MSRA: variants seen among roughly 807,000 people sequenced by gnomAD.
MSRA encodes the protein methionine sulfoxide reductase A, also known as mitochondrial peptide methionine sulfoxide reductase.
In MSRA, 54 loss-of-function variants were observed where a neutral mutation model predicts 31.3. The ratio of observed to expected loss-of-function variants is 1.73; its 90% CI spans 1.39 to 2.17. The LOEUF (loss-of-function observed/expected upper bound fraction) is 2.17, where lower values mean the gene tolerates loss of function less well. MSRA is among the 30% of genes most tolerant of loss of function. MSRA has a pLI of 0.00. For missense variants in MSRA, 507 were observed against 300.9 expected (o/e 1.69, Z -5.07); for synonymous variants, 169 against 116.5 (o/e 1.45, Z -2.90).
chr8:10,185,905 T>TC (rs1446932964), intron 1 of MSRA, among the ~76,000 whole-genome samples: 2 of 151,990 alleles, frequency 1.3e-5, no homozygotes, highest in Admixed American at 6.6e-5. Context: ...ATTTTTTTTT[T>TC]CAGAGAAGGA....
chr8:10,332,748 C>T (rs892999082), intron 5 of MSRA, among the ~76,000 whole-genome samples: 1 of 152,222 alleles, frequency 6.6e-6, no homozygotes, highest in East Asian at 1.9e-4. Context: ...CTTTCTTGCA[C>T]TGTATTTAGA....
intron 3 of MSRA, among the ~76,000 whole-genome samples, chr8:10,247,742 C>A (rs1283885976): frequency 6.6e-6 from 1 of 152,132 alleles, no homozygotes; most frequent in Non-Finnish European, 1.5e-5. Context: ...CTTACCCATA[C>A]ACAGAAGGAG....
intron 2 of MSRA, among the ~76,000 whole-genome samples, chr8:10,213,507 G>C (rs888318592): frequency 1.4e-5 from 2 of 147,498 alleles, no homozygotes; most frequent in Middle Eastern, 3.4e-3. Flanking sequence ...CGCGACCTCG[G>C]CTCACTGCAA....
rs113813213 is a variant in MSRA, at chr8:10,172,925, G to A, written c.143-34908G>A. 3.3e-3 allele frequency among the ~76,000 whole-genome samples: 503 copies of A among 152,356 alleles called. 2 individuals are homozygous for A. The highest frequency in any genetic ancestry group is 0.012 in the African/African-American group (481 of 41,568). ...TGTGAGAAGGGGACAGATGGGACCA[G>A]TCATTCTCAGCATAACACCGAGTGG... is the stretch of plus-strand genomic sequence containing the variant. On this transcript the variant is annotated intron_variant, in intron 1 of 5. Transcript: ENST00000317173.
At chr8:10,092,322 C>G (rs1324096296) in intron 1 of MSRA, among the ~76,000 whole-genome samples, 1 of 151,990 alleles carries the variant, frequency 6.6e-6, no homozygotes. Context: ...CATTTTATAG[C>G]CTAACATATT....
intron 4 of MSRA, among the ~76,000 whole-genome samples, chr8:10,314,602 C>A (rs6601432): frequency 6.6e-6 from 1 of 152,268 alleles, no homozygotes; most frequent in Non-Finnish European, 1.5e-5. Flanking sequence ...TCAGCATGTA[C>A]TTAAGTTGAA....
At chr8:10,085,795 C>A (rs560305059) in intron 1 of MSRA, among the ~76,000 whole-genome samples, 24 of 152,312 alleles carry the variant, frequency 1.6e-4, no homozygotes, top group Non-Finnish European at 3.2e-4. Context: ...TTTCTGTCTC[C>A]ATAGTTATCT....
chr8:10,356,208 T>A (rs1418280463), intron 5 of MSRA, among the ~76,000 whole-genome samples: 1 of 152,226 alleles, frequency 6.6e-6, no homozygotes, highest in Non-Finnish European at 1.5e-5. Flanking sequence ...GAACATTCTA[T>A]GTTGTTTTCC....
intron 3 of MSRA, among the ~76,000 whole-genome samples, chr8:10,278,482 C>T (rs1372739322): frequency 3.3e-5 from 5 of 152,236 alleles, no homozygotes; most frequent in African/African-American, 1.2e-4. Flanking sequence ...AGCTTTCCTT[C>T]TGTGGCTCTG....
intron 1 of MSRA, among the ~76,000 whole-genome samples, chr8:10,089,398 A>G (rs1798748248): frequency 6.6e-6 from 1 of 152,202 alleles, no homozygotes; most frequent in Non-Finnish European, 1.5e-5. Context: ...AAAGGTTTTG[A>G]GGCCACCAGT....
At chr8:10,133,624 GA>G (rs34143323) in intron 1 of MSRA, among the ~76,000 whole-genome samples, 9 of 152,250 alleles carry the variant, frequency 5.9e-5, no homozygotes, top group Admixed American at 4.6e-4. Flanking sequence ...CCACAGTGGG[GA>G]AAAAAGACCT....
At chr8:10,218,358 T>C (rs1391463592) in intron 2 of MSRA, among the ~76,000 whole-genome samples, 1 of 151,984 alleles carries the variant, frequency 6.6e-6, no homozygotes, top group Non-Finnish European at 1.5e-5. Context: ...GTTGCCAGGC[T>C]GGTGTCTAAC....
chr8:10,194,388 GAAACCTGTCTCTACTAAAAGTACAA>G (rs1360651664), intron 1 of MSRA, among the ~76,000 whole-genome samples: 2 of 152,154 alleles, frequency 1.3e-5, no homozygotes, highest in Non-Finnish European at 2.9e-5. Flanking sequence ...TCAACATGGT[GAAACCTGTCTCTACTAAAAGTACAA>G]AAACTAGCCA....
At chr8:10,359,546 C>T (rs978176194) in intron 5 of MSRA, among the ~76,000 whole-genome samples, 2 of 152,100 alleles carry the variant, frequency 1.3e-5, no homozygotes, top group East Asian at 3.9e-4. Flanking sequence ...TCTCCTTCTC[C>T]ACCTCCTCCT....
intron 5 of MSRA, among the ~76,000 whole-genome samples, chr8:10,404,092 A>G (rs1204539954): frequency 2.0e-5 from 3 of 152,160 alleles, no homozygotes; most frequent in African/African-American, 7.2e-5. Flanking sequence ...GATGAAGTAG[A>G]CTTCGGAAAA....
intron 2 of MSRA, among the ~76,000 whole-genome samples, chr8:10,238,057 AG>A (rs1349246318): frequency 6.6e-6 from 1 of 152,154 alleles, no homozygotes; most frequent in Non-Finnish European, 1.5e-5. Flanking sequence ...CCATCCCACA[AG>A]GTCCTACACT....
At chr8:10,245,925 G>T (rs2952224) in intron 3 of MSRA, among the ~76,000 whole-genome samples, 2 of 152,224 alleles carry the variant, frequency 1.3e-5, no homozygotes, top group African/African-American at 4.8e-5. Flanking sequence ...ACAATCTACC[G>T]CATGAGACAG....
chr8:10,083,545 A>G (rs1178754335), intron 1 of MSRA, among the ~76,000 whole-genome samples: 1 of 152,244 alleles, frequency 6.6e-6, no homozygotes, highest in Non-Finnish European at 1.5e-5. Context: ...TTCAAGGGTG[A>G]ATCATAAACC....
chr8:10,217,648 C>T (rs540040230), intron 2 of MSRA, among the ~76,000 whole-genome samples: 2 of 152,150 alleles, frequency 1.3e-5, no homozygotes, highest in African/African-American at 4.8e-5. Context: ...TCCCCACTCC[C>T]TCCCCCTCTT....
Sources: allele counts gnomAD v4.1 joint callset (sites outside exome capture counted in the v4.1 genomes callset), GRCh38; gene constraint gnomAD v4.1.1; transcripts MANE v1.5; gene names NCBI Gene and HGNC (gene_info 2026-07-23, HGNC 2026-07-21).